Variants in CCDC7 observed in about 807,000 individuals in gnomAD.
CCDC7 encodes the protein coiled-coil domain-containing protein 7.
Under a neutral mutation model 196.9 loss-of-function variants are expected in CCDC7, and 183 were observed. The observed-to-expected ratio is 0.93, with a 90% CI of 0.82 to 1.05. CCDC7 has a LOEUF of 1.05. Among genes scored for constraint, CCDC7 ranks in the 50% least tolerant of loss-of-function variants. CCDC7 has a pLI of 0.00. For synonymous variants in CCDC7, 525 were observed against 484.6 expected (o/e 1.08, Z -1.10); for missense variants, 1,540 against 1,482.2 (o/e 1.04, Z -0.64).
At chr10:32,879,292 G>C (rs578228588), downstream of CCDC7, among the ~76,000 whole-genome samples, 1 of 152,262 alleles carries the variant, frequency 6.6e-6, no homozygotes, top group South Asian at 2.1e-4. Context: ...ATACGTTAAA[G>C]AGGTGTTCAG....
chr10:32,754,916 C>T (rs1350997284), intron 28 of CCDC7, among the ~76,000 whole-genome samples: 2 of 151,896 alleles, frequency 1.3e-5, no homozygotes, highest in South Asian at 2.1e-4. Flanking sequence ...GACACTCCCA[C>T]CCTAATACTG....
At chr10:32,513,985 G>C (rs191783978) in intron 9 of CCDC7, 1 of 152,224 alleles carries the variant, frequency 6.6e-6, no homozygotes, top group South Asian at 2.1e-4. Context: ...TCTAGCAAGG[G>C]CAATTATGGA....
chr10:32,814,564 C>T (rs1007439388), intron 31 of CCDC7, 111 bp downstream of exon 32: 5 of 694,162 alleles, frequency 7.2e-6, no homozygotes, highest in African/African-American at 1.8e-5. Flanking sequence ...ATTACATAGG[C>T]AAAAGTCTTT....
intron 13 of CCDC7, among the ~76,000 whole-genome samples, chr10:32,545,792 G>C (rs1222537283): frequency 6.6e-6 from 1 of 151,228 alleles, no homozygotes; most frequent in African/African-American, 2.4e-5. Context: ...TGCAGTCCCA[G>C]CCACTCCAGA....
intron 33 of CCDC7, among the ~76,000 whole-genome samples, chr10:32,840,240 T>C (rs181449089): frequency 7.9e-5 from 12 of 151,958 alleles, no homozygotes; most frequent in Admixed American, 5.9e-4. Flanking sequence ...ATAAATAAAA[T>C]TGATAGACCA....
chr10:32,759,891 T>A (rs1034137206), intron 28 of CCDC7, among the ~76,000 whole-genome samples: 1 of 151,762 alleles, frequency 6.6e-6, no homozygotes, highest in Non-Finnish European at 1.5e-5. Context: ...CTCAAACAAA[T>A]TTGCAAGAAA....
At chr10:32,634,330 GAAAC>G in exon 19 of CCDC7, 1 of 1,194,826 alleles carries the variant, frequency 8.4e-7, no homozygotes, top group East Asian at 3.2e-5. Flanking sequence ...TAGAACAAAT[GAAAC>G]AAAGAACTTC....
At chr10:32,751,901 C>A (rs1335996) in intron 28 of CCDC7, among the ~76,000 whole-genome samples, 140,467 of 152,210 alleles carry the variant, frequency 0.92, 65,815 homozygotes, top group East Asian at 1. Context: ...GAAGTTCTAT[C>A]GGCAGAGAAC....
chr10:32,645,835 G>C (rs977021109), intron 20 of CCDC7, among the ~76,000 whole-genome samples: 3 of 151,872 alleles, frequency 2.0e-5, no homozygotes, highest in Non-Finnish European at 2.9e-5. Context: ...ATAGTTGTTT[G>C]TAGTAGCCTC....
intron 30 of CCDC7, among the ~76,000 whole-genome samples, chr10:32,807,217 T>C (rs2086023283): frequency 6.6e-6 from 1 of 152,198 alleles, no homozygotes; most frequent in South Asian, 2.1e-4. Flanking sequence ...TGAAAGACCA[T>C]ATAAATATAC....
chr10:32,853,397 A>C (rs1295315886), intron 40 of CCDC7, among the ~76,000 whole-genome samples: 1 of 152,198 alleles, frequency 6.6e-6, no homozygotes. Context: ...TTGGCCTTTG[A>C]ATCTAAAAAT....
chr10:32,790,284 ACC>A (rs1319894781), intron 29 of CCDC7, among the ~76,000 whole-genome samples: 3 of 152,090 alleles, frequency 2.0e-5, no homozygotes, highest in Non-Finnish European at 4.4e-5. Flanking sequence ...TCTGTCCGGG[ACC>A]CCAGACTGTC....
intron 11 of CCDC7, among the ~76,000 whole-genome samples, chr10:32,536,348 C>A (rs2050497227): frequency 6.6e-6 from 1 of 152,156 alleles, no homozygotes; most frequent in South Asian, 2.1e-4. Context: ...AGCAGACCTA[C>A]ACCCCATGCC....
chr10:32,800,347 G>A (rs1455901674), intron 29 of CCDC7, among the ~76,000 whole-genome samples: 2 of 152,124 alleles, frequency 1.3e-5, no homozygotes, highest in African/African-American at 2.4e-5. Flanking sequence ...TACCAGTCAG[G>A]GAGCCAATGT....
chr10:32,740,914 A>G (rs2085722040), intron 28 of CCDC7, among the ~76,000 whole-genome samples: 1 of 145,494 alleles, frequency 6.9e-6, no homozygotes, highest in African/African-American at 2.4e-5. Flanking sequence ...TTTTTGAATG[A>G]TGGCTTTCCA....
At chr10:32,650,187 C>A (rs1440252370) in intron 20 of CCDC7, among the ~76,000 whole-genome samples, 1 of 152,170 alleles carries the variant, frequency 6.6e-6, no homozygotes, top group Non-Finnish European at 1.5e-5. Context: ...ATTGGCTTTG[C>A]TTCTGGAAGT....
chr10:32,644,436 G>A (rs769761706), intron 20 of CCDC7, among the ~76,000 whole-genome samples: 1 of 152,120 alleles, frequency 6.6e-6, no homozygotes, highest in Non-Finnish European at 1.5e-5. Context: ...ATATGAGTGA[G>A]ATCATATGGA....
chr10:32,643,981 A>G (rs1398552608), intron 20 of CCDC7, among the ~76,000 whole-genome samples: 1 of 151,674 alleles, frequency 6.6e-6, no homozygotes, highest in African/African-American at 2.4e-5. Flanking sequence ...TTTCTGGCAT[A>G]TTTTTAACAA....
At chr10:32,697,294 A>G (rs999803615) in intron 24 of CCDC7, among the ~76,000 whole-genome samples, 1 of 152,162 alleles carries the variant, frequency 6.6e-6, no homozygotes, top group Non-Finnish European at 1.5e-5. Flanking sequence ...TGCATTTCCA[A>G]CTGAGGTACC....
Sources: gnomAD v4.1 joint callset for allele counts (sites outside exome capture counted in the v4.1 genomes callset) on GRCh38, gnomAD v4.1.1 for gene constraint, MANE v1.5 for transcripts, NCBI Gene and HGNC (gene_info 2026-07-23, HGNC 2026-07-21) for gene names.